C20orf203: variants seen among roughly 807,000 people sequenced by gnomAD.
C20orf203 encodes chromosome 20 open reading frame 203, also known as uncharacterized protein C20orf203.
Under a neutral mutation model 15.9 loss-of-function variants are expected in C20orf203, and 16 were observed. That is an observed-to-expected ratio of 1.01 (90% CI 0.68 to 1.53). C20orf203 has a LOEUF of 1.53. Ranked by LOEUF, C20orf203 falls within the 40% of genes most tolerant of loss-of-function variation. C20orf203 has a pLI of 0.00. For synonymous variants in C20orf203, 98 were observed against 97.2 expected, an observed-to-expected ratio of 1.01 and a Z score of -0.05; for missense variants, 263 against 247.5, an observed-to-expected ratio of 1.06 and a Z score of -0.42.
intron 4 of C20orf203, among the ~76,000 whole-genome samples, chr20:32,642,578 GTGAC>G (rs1015933670): frequency 1.4e-4 from 21 of 152,286 alleles, no homozygotes; most frequent in African/African-American, 3.8e-4. Context: ...CTGTTTTTAC[GTGAC>G]TGACTATTGG....
chr20:32,669,766 C>T (rs1400735025), intron 1 of C20orf203, among the ~76,000 whole-genome samples: 1 of 152,090 alleles, frequency 6.6e-6, no homozygotes, highest in Non-Finnish European at 1.5e-5. Flanking sequence ...TTGAATATGG[C>T]ACCAAAAGCA....
At chr20:32,638,086 G>A (rs1982187434) in intron 5 of C20orf203, among the ~76,000 whole-genome samples, 2 of 152,198 alleles carry the variant, frequency 1.3e-5, no homozygotes, top group South Asian at 4.2e-4. Context: ...GCCAGGGTGA[G>A]GACTCAAAGA....
intron 5 of C20orf203, among the ~76,000 whole-genome samples, chr20:32,636,356 C>T (rs990742107): frequency 2.0e-5 from 3 of 152,316 alleles, no homozygotes; most frequent in Admixed American, 6.5e-5. Flanking sequence ...GACATCTGAA[C>T]ACTTGGCCAG....
rs980479851 is a variant in C20orf203, at chr20:32,633,720, G to T, written c.*1850C>A. 6.5e-6 allele frequency: 2 copies of T among 308,996 alleles called. No individual in the cohort carries two copies. Among genetic ancestry groups the T allele is most frequent in the Non-Finnish European group, 1.2e-5 (2 of 169,536 alleles). The allele number at this position is 308,996 out of a possible 1,614,324, so 19.1% of individuals were successfully genotyped here. On this transcript the variant is annotated 3_prime_UTR_variant, in exon 6 of 6. Coordinates refer to ENST00000608990, the MANE Select transcript of C20orf203 (RefSeq NM_182584.4). ...ATGACACGTTTCCCTCTTGTAGAAG[G>T]TCCTTGTCTGTAACCTGGTGGTGCC...
At chr20:32,655,999 G>T (rs1982744814) in intron 1 of C20orf203, among the ~76,000 whole-genome samples, 1 of 152,148 alleles carries the variant, frequency 6.6e-6, no homozygotes, top group Non-Finnish European at 1.5e-5. Context: ...CAAGAGAGCT[G>T]GTTGTCTGAA....
chr20:32,632,519 G>C lies in C20orf203; in HGVS notation c.*3051C>G, dbSNP rs1188699296. ...CTGGAGCACATGCACGTGTGTTCCT[G>C]CCCCCTCCTTGGTACTAACAGAAGC... On this transcript the variant is annotated 3_prime_UTR_variant, in exon 6 of 6. Transcript: ENST00000608990. 1.3e-5 allele frequency: 2 copies of C among 152,178 alleles called. No homozygotes were observed. 9.4% of individuals were successfully genotyped at this position (152,178 alleles called of 1,614,324 possible). A position where few individuals can be genotyped will look rare whatever the true frequency, so the allele number is the denominator to read the frequency against.
intron 1 of C20orf203, among the ~76,000 whole-genome samples, chr20:32,671,749 G>C (rs944218884): frequency 2.1e-5 from 3 of 145,928 alleles, no homozygotes; most frequent in African/African-American, 7.6e-5. Context: ...TGAGGCAGGA[G>C]AATTGCTTGA....
chr20:32,664,905 G>A (rs1008412986), intron 1 of C20orf203, among the ~76,000 whole-genome samples: 1 of 152,248 alleles, frequency 6.6e-6, no homozygotes, highest in Non-Finnish European at 1.5e-5. Context: ...ATTTAGAGCA[G>A]AGCTGAGTGA....
At chr20:32,647,343 C>T (rs1335417503) in intron 4 of C20orf203, among the ~76,000 whole-genome samples, 2 of 149,426 alleles carry the variant, frequency 1.3e-5, no homozygotes, top group Admixed American at 6.8e-5. Flanking sequence ...TGCAGTGAGC[C>T]GAGATCCTGC....
At chr20:32,670,607 G>A (rs1195813122) in intron 1 of C20orf203, among the ~76,000 whole-genome samples, 1 of 152,114 alleles carries the variant, frequency 6.6e-6, no homozygotes, top group Admixed American at 6.6e-5. Context: ...GCCGAGGTGG[G>A]CGGATCACGA....
At chr20:32,665,004 T>TA (rs1220834514) in intron 1 of C20orf203, among the ~76,000 whole-genome samples, 1 of 152,222 alleles carries the variant, frequency 6.6e-6, no homozygotes, top group Admixed American at 6.5e-5. Flanking sequence ...CTGGCTGCAC[T>TA]AGTGTTTACC....
intron 4 of C20orf203, among the ~76,000 whole-genome samples, chr20:32,646,952 T>C (rs971396228): frequency 2.6e-5 from 4 of 152,188 alleles, no homozygotes; most frequent in East Asian, 1.9e-4. Flanking sequence ...AGCAAGACCA[T>C]GGCACAGCCT....
chr20:32,656,537 C>T (rs915171925), intron 1 of C20orf203: 2 of 152,004 alleles, frequency 1.3e-5, no homozygotes, highest in Non-Finnish European at 2.9e-5. Flanking sequence ...AGGTATATAC[C>T]CAAGAGAAAT....
chr20:32,663,755 G>A (rs1162247382), intron 1 of C20orf203, among the ~76,000 whole-genome samples: 1 of 152,210 alleles, frequency 6.6e-6, no homozygotes, highest in East Asian at 1.9e-4. Flanking sequence ...CTGCTTGGGC[G>A]CTGGGCTCTG....
Position 32,650,446 on chromosome 20 carries a change from A to G in C20orf203, c.571T>C (p.Ser191Pro). ...CCTGGGCTCGGCTAATTAAACAGCG[A>G]CCGTGATGAATTGGAGAGAAACTGC... ...KQQFLSNSSR[S>P]LFN The change falls in exon 4 of 6, where the codon TCG (serine) becomes CCG (proline). Residue 191 changes from serine to proline, a missense_variant. Ser to Pro is a moderately conservative substitution (Grantham distance 74, BLOSUM62 -1). Transcript: ENST00000608990. The G allele has an allele frequency of 4.5e-6, 7 of 1,549,894 alleles. No homozygotes were observed. In the South Asian group the frequency reaches 8.3e-5, roughly 18 times the overall value.
At chr20:32,636,654 C>A (rs745956170) in intron 5 of C20orf203, among the ~76,000 whole-genome samples, 19 of 152,172 alleles carry the variant, frequency 1.2e-4, no homozygotes, top group Non-Finnish European at 2.2e-4. Context: ...CTGCGCCCCC[C>A]ATGTGCTGCT....
At chr20:32,673,205 G>A (rs1345661653) in intron 1 of C20orf203, among the ~76,000 whole-genome samples, 5 of 152,118 alleles carry the variant, frequency 3.3e-5, no homozygotes, top group Admixed American at 6.5e-5. Flanking sequence ...TGGTACAAAC[G>A]GCAGGAAGAG....
At chr20:32,668,938 C>T (rs1983098854) in intron 1 of C20orf203, among the ~76,000 whole-genome samples, 1 of 152,184 alleles carries the variant, frequency 6.6e-6, no homozygotes, top group South Asian at 2.1e-4. Context: ...TGTGCTGGTG[C>T]CACGTCCACA....
At chr20:32,648,428 CTTTTTTTTTTTTTTTTT>C (rs56838832) in intron 4 of C20orf203, among the ~76,000 whole-genome samples, 34 of 80,332 alleles carry the variant, frequency 4.2e-4, no homozygotes, top group Non-Finnish European at 7.6e-4. Context: ...CTGAAACTGT[CTTTTTTTTTTTTTTTTT>C]TTTTTTTTTT....
Sources: allele counts gnomAD v4.1 joint callset (sites outside exome capture counted in the v4.1 genomes callset), GRCh38; gene constraint gnomAD v4.1.1; transcripts MANE v1.5; gene names NCBI Gene and HGNC (gene_info 2026-07-23, HGNC 2026-07-21).